Variants in MGAT5 observed in about 807,000 individuals in gnomAD.
MGAT5 encodes alpha-1,6-mannosylglycoprotein 6-beta-N-acetylglucosaminyltransferase A.
Under a neutral mutation model 94.3 loss-of-function variants are expected in MGAT5, and 30 were observed. The observed-to-expected ratio is 0.32, with a 90% CI of 0.24 to 0.43. MGAT5 has a LOEUF of 0.43. Ranked by LOEUF, MGAT5 falls within the 20% of genes least tolerant of loss-of-function variation. MGAT5 has a pLI of 1.00. For synonymous variants in MGAT5, 310 were observed against 322.9 expected (o/e 0.96, Z 0.43); for missense variants, 691 against 905.5 (o/e 0.76, Z 3.04).
intron 1 of MGAT5, among the ~76,000 whole-genome samples, chr2:134,241,438 A>G (rs2105446407): frequency 6.6e-6 from 1 of 152,378 alleles, no homozygotes; most frequent in East Asian, 1.9e-4. Flanking sequence ...GGTTGTAAGT[A>G]GATTGCTCTC....
intron 12 of MGAT5, among the ~76,000 whole-genome samples, chr2:134,414,159 GGTTTT>G (rs139369582): frequency 3.6e-5 from 5 of 138,136 alleles, no homozygotes; most frequent in African/African-American, 1.6e-4. Flanking sequence ...GTGTGTGTGT[GGTTTT>G]TTTTTTTTTT....
intron 1 of MGAT5, among the ~76,000 whole-genome samples, chr2:134,230,890 A>G (rs1311663883): frequency 2.6e-5 from 4 of 152,202 alleles, no homozygotes; most frequent in African/African-American, 7.2e-5. Flanking sequence ...TTTATTCATA[A>G]TAGTATCAAT....
intron 1 of MGAT5, among the ~76,000 whole-genome samples, chr2:134,125,297 A>C (rs773516133): frequency 6.6e-6 from 1 of 152,216 alleles, no homozygotes; most frequent in South Asian, 2.1e-4. Context: ...AATCTAGCTA[A>C]GGTTACAAAC....
At chr2:134,282,914 C>T (rs1684785058) in intron 2 of MGAT5, among the ~76,000 whole-genome samples, 1 of 151,714 alleles carries the variant, frequency 6.6e-6, no homozygotes, top group South Asian at 2.1e-4. Context: ...AGGGCACATT[C>T]TTCCTGGGTG....
intron 1 of MGAT5, among the ~76,000 whole-genome samples, chr2:134,182,477 A>G (rs1688779533): frequency 6.6e-6 from 1 of 152,064 alleles, no homozygotes; most frequent in African/African-American, 2.4e-5. Context: ...ACCAAACTCT[A>G]CCCTTCATCC....
At chr2:134,148,229 T>C (rs1017187314) in intron 1 of MGAT5, among the ~76,000 whole-genome samples, 1 of 152,240 alleles carries the variant, frequency 6.6e-6, no homozygotes, top group African/African-American at 2.4e-5. Flanking sequence ...AGACACCTGC[T>C]CTGTCGCCTC....
chr2:134,224,187 A>G (rs1054533890), intron 1 of MGAT5, among the ~76,000 whole-genome samples: 6 of 152,134 alleles, frequency 3.9e-5, no homozygotes, highest in African/African-American at 9.7e-5. Context: ...GGTTTTATTC[A>G]TCTGTCATCT....
At chr2:134,149,941 TGAGAGAGGGAGCCA>T (rs1360118445) in intron 1 of MGAT5, among the ~76,000 whole-genome samples, 1 of 152,158 alleles carries the variant, frequency 6.6e-6, no homozygotes, top group Non-Finnish European at 1.5e-5. Flanking sequence ...TGGCACCCAG[TGAGAGAGGGAGCCA>T]GAGAGAAATA....
intron 10 of MGAT5, among the ~76,000 whole-genome samples, chr2:134,396,127 G>A (rs1388373517): frequency 6.6e-6 from 1 of 152,160 alleles, no homozygotes; most frequent in Non-Finnish European, 1.5e-5. Flanking sequence ...AGACAGAGGT[G>A]AACAGGCTTT....
chr2:134,347,018 G>A (rs764729123), intron 8 of MGAT5, among the ~76,000 whole-genome samples: 43 of 152,138 alleles, frequency 2.8e-4, no homozygotes, highest in Non-Finnish European at 5.6e-4. Flanking sequence ...ACGGGAAGGC[G>A]AGCTGCCTTG....
At chr2:134,145,682 CT>C (rs1279220003) in intron 1 of MGAT5, among the ~76,000 whole-genome samples, 1 of 152,246 alleles carries the variant, frequency 6.6e-6, no homozygotes, top group Admixed American at 6.5e-5. Flanking sequence ...AATTCTGACT[CT>C]GCTCTTTATA....
At chr2:134,425,472 T>C (rs1046289276) in intron 13 of MGAT5, among the ~76,000 whole-genome samples, 1 of 152,104 alleles carries the variant, frequency 6.6e-6, no homozygotes, top group Non-Finnish European at 1.5e-5. Flanking sequence ...TTTATAAGTA[T>C]GATGGGAAGT....
At chr2:134,420,125 C>T (rs1387547930) in intron 12 of MGAT5, among the ~76,000 whole-genome samples, 1 of 152,112 alleles carries the variant, frequency 6.6e-6, no homozygotes, top group Non-Finnish European at 1.5e-5. Flanking sequence ...TGTTGAAGGA[C>T]CTAGATTTGA....
chr2:134,445,610 G>A (rs930950173), intron 15 of MGAT5, among the ~76,000 whole-genome samples: 2 of 147,310 alleles, frequency 1.4e-5, no homozygotes, highest in African/African-American at 5.3e-5. Flanking sequence ...TTGGAGGGAG[G>A]CTTTGCCTTT....
intron 1 of MGAT5, among the ~76,000 whole-genome samples, chr2:134,217,382 C>A (rs1010360818): frequency 6.6e-6 from 1 of 152,074 alleles, no homozygotes; most frequent in African/African-American, 2.4e-5. Context: ...TAAATTAACT[C>A]ATTCAATCTT....
At chr2:134,178,153 G>A (rs11896790) in intron 1 of MGAT5, among the ~76,000 whole-genome samples, 43,807 of 151,698 alleles carry the variant, frequency 0.29, 9,075 homozygotes, top group African/African-American at 0.58. Flanking sequence ...TTCTAGGCAG[G>A]AAACTTTTAG....
intron 1 of MGAT5, among the ~76,000 whole-genome samples, chr2:134,260,708 T>TC (rs1683277376): frequency 6.6e-6 from 1 of 151,218 alleles, no homozygotes; most frequent in East Asian, 1.9e-4. Flanking sequence ...TTTTCTTTTT[T>TC]TTTTTTTTTT....
At chr2:134,353,337 C>T (rs1370307036) in intron 9 of MGAT5, among the ~76,000 whole-genome samples, 2 of 152,126 alleles carry the variant, frequency 1.3e-5, no homozygotes, top group African/African-American at 4.8e-5. Context: ...AAAAGACAAT[C>T]TTTTGACTAT....
chr2:134,213,970 G>A (rs575951810), intron 1 of MGAT5, among the ~76,000 whole-genome samples: 2 of 152,246 alleles, frequency 1.3e-5, no homozygotes, highest in African/African-American at 2.4e-5. Context: ...TTTTAGGGGT[G>A]GGACTGAAAG....
Sources: allele counts gnomAD v4.1 joint callset (sites outside exome capture counted in the v4.1 genomes callset), GRCh38; gene constraint gnomAD v4.1.1; transcripts MANE v1.5; gene names NCBI Gene and HGNC (gene_info 2026-07-23, HGNC 2026-07-21).